RERE: variants seen among roughly 807,000 people sequenced by gnomAD.
RERE encodes arginine-glutamic acid dipeptide repeats, also known as arginine-glutamic acid dipeptide repeats protein.
A neutral mutation model predicts 146.1 loss-of-function variants in RERE; 40 were observed. The observed-to-expected ratio is 0.27, with a 90% confidence interval of 0.21 to 0.36. The LOEUF (loss-of-function observed/expected upper bound fraction) is 0.36. Ranked by LOEUF, RERE falls within the 10% of genes least tolerant of loss-of-function variation. RERE has a pLI of 1.00. For missense variants in RERE, 1,933 were observed against 2,138.7 expected, an observed-to-expected ratio of 0.90 and a Z score of 1.90; for synonymous variants, 1,003 against 866.0, an observed-to-expected ratio of 1.16 and a Z score of -2.78.
intron 10 of RERE, among the ~76,000 whole-genome samples, chr1:8,489,629 C>T (rs1644949454): frequency 6.6e-6 from 1 of 151,876 alleles, no homozygotes; most frequent in Non-Finnish European, 1.5e-5. Context: ...AATGAGATAC[C>T]AGACTACACA....
chr1:8,502,956 G>T (rs956557846), intron 8 of RERE, among the ~76,000 whole-genome samples: 2 of 150,846 alleles, frequency 1.3e-5, no homozygotes, highest in African/African-American at 4.9e-5. Flanking sequence ...ACTTCGGAAG[G>T]CCGCAGGGTC....
chr1:8,616,145 A>C (rs917631168), intron 3 of RERE, among the ~76,000 whole-genome samples: 1 of 152,258 alleles, frequency 6.6e-6, no homozygotes, highest in Non-Finnish European at 1.5e-5. Context: ...TCCACTAGGA[A>C]TATGACTGCC....
At chr1:8,528,204 C>A (rs570943378) in intron 7 of RERE, among the ~76,000 whole-genome samples, 1 of 152,208 alleles carries the variant, frequency 6.6e-6, no homozygotes, top group Non-Finnish European at 1.5e-5. Flanking sequence ...CTTGACAAAA[C>A]TGGCTTCTAA....
intron 21 of RERE, 21 bp from the exon 22 acceptor site, chr1:8,355,620 T>G (rs1478501458): frequency 9.0e-6 from 14 of 1,552,058 alleles, no homozygotes; most frequent in Non-Finnish European, 1.2e-5. Context: ...CAAAACAACC[T>G]GCGCTACAGA....
intron 11 of RERE, among the ~76,000 whole-genome samples, chr1:8,451,814 G>A (rs990713704): frequency 1.3e-5 from 2 of 152,182 alleles, no homozygotes; most frequent in African/African-American, 4.8e-5. Flanking sequence ...TGACTCTAAC[G>A]CACAGCCAAG....
intron 1 of RERE, among the ~76,000 whole-genome samples, chr1:8,723,175 G>A (rs894224466): frequency 1.3e-5 from 2 of 152,106 alleles, no homozygotes; most frequent in African/African-American, 4.8e-5. Context: ...GGGGGAGGTA[G>A]GAATCGAAAC....
At chr1:8,524,299 T>C (rs923639280) in intron 7 of RERE, among the ~76,000 whole-genome samples, 2 of 152,172 alleles carry the variant, frequency 1.3e-5, no homozygotes, top group African/African-American at 4.8e-5. Context: ...ACAATTCATC[T>C]CCTTAGTTGC....
At chr1:8,609,197 A>G (rs1284412062) in intron 4 of RERE, among the ~76,000 whole-genome samples, 1 of 152,036 alleles carries the variant, frequency 6.6e-6, no homozygotes, top group Non-Finnish European at 1.5e-5. Context: ...CAGCCTGGGC[A>G]AAAGAGCAAG....
chr1:8,548,478 C>CCCAG (rs1315084886), intron 6 of RERE, among the ~76,000 whole-genome samples: 1 of 151,954 alleles, frequency 6.6e-6, no homozygotes, highest in African/African-American at 2.4e-5. Context: ...ACAGAACTGA[C>CCCAG]CTAAGTAAGA....
chr1:8,426,201 T>A (rs1255830958), intron 11 of RERE, among the ~76,000 whole-genome samples: 1 of 152,142 alleles, frequency 6.6e-6, no homozygotes, highest in Non-Finnish European at 1.5e-5. Context: ...ATGCCTGTAA[T>A]CCTAGCACTT....
In RERE at chr1:8,422,764, A is replaced by C; in HGVS notation, c.1247T>G (p.Phe416Cys). 6.2e-7 allele frequency: 1 copy of C among 1,614,036 alleles called. No homozygotes were observed. The change falls in exon 12 of 23, where the codon TTC (phenylalanine) becomes TGC (cysteine). Residue 416 changes from phenylalanine (F) to cysteine (C), a missense_variant. Physicochemically the swap from Phe to Cys is radical, Grantham distance 205 (BLOSUM62 -2). This residue lies in a region of RERE where 260 missense variants were observed against 378.4 expected (regional missense o/e 0.69). Transcript: ENST00000400908. ...GGGAAGCAGCTCCTTTCTAATTCTG[A>C]AGAAGTTCTTCCCGTACTGCCTGAG... ...KGLRQYGKNF[F>C]RIRKELLPNK...
intron 2 of RERE, among the ~76,000 whole-genome samples, chr1:8,627,887 G>A (rs1012795443): frequency 1.2e-4 from 18 of 152,172 alleles, no homozygotes; most frequent in Admixed American, 3.3e-4. Flanking sequence ...GGAAGGAAAG[G>A]AACATGCCGG....
chr1:8,741,528 GGTCA>G (rs1181953139), intron 1 of RERE, among the ~76,000 whole-genome samples: 2 of 152,130 alleles, frequency 1.3e-5, no homozygotes, highest in African/African-American at 2.4e-5. Context: ...TTCTCGTGAT[GGTCA>G]GTGAGTTCTC....
chr1:8,547,078 CT>C (rs35269094), intron 6 of RERE, among the ~76,000 whole-genome samples: 103,880 of 142,866 alleles, frequency 0.73, 37,656 homozygotes, highest in East Asian at 0.85. Flanking sequence ...TACCAACAAG[CT>C]TTTTTTTTAA....
intron 6 of RERE, among the ~76,000 whole-genome samples, chr1:8,555,158 G>A (rs1474758699): frequency 6.6e-6 from 1 of 152,210 alleles, no homozygotes; most frequent in African/African-American, 2.4e-5. Flanking sequence ...GCCATATCTG[G>A]CACACCGCCT....
chr1:8,773,364 T>A (rs1292551820), intron 1 of RERE, among the ~76,000 whole-genome samples: 1 of 152,170 alleles, frequency 6.6e-6, no homozygotes, highest in African/African-American at 2.4e-5. Flanking sequence ...TGATATGTCT[T>A]CATAACAACT....
At chr1:8,417,312 T>C (rs1643804048) in intron 12 of RERE, among the ~76,000 whole-genome samples, 1 of 152,208 alleles carries the variant, frequency 6.6e-6, no homozygotes, top group Non-Finnish European at 1.5e-5. Flanking sequence ...AAATGACATT[T>C]TGCCTGAAGA....
At chr1:8,653,555 C>T (rs920545043) in intron 2 of RERE, among the ~76,000 whole-genome samples, 3 of 152,058 alleles carry the variant, frequency 2.0e-5, no homozygotes, top group East Asian at 1.9e-4. Flanking sequence ...ATTAGCTGGG[C>T]GCAGTGGTGG....
intron 12 of RERE, among the ~76,000 whole-genome samples, chr1:8,403,192 C>G (rs552206955): frequency 2.0e-5 from 3 of 152,038 alleles, no homozygotes; most frequent in African/African-American, 7.2e-5. Flanking sequence ...CCACCGCGCC[C>G]GGCCAATGAT....
Sources: allele counts gnomAD v4.1 joint callset (sites outside exome capture counted in the v4.1 genomes callset), GRCh38; gene constraint gnomAD v4.1.1; regional missense constraint gnomAD v4.1.1; transcripts MANE v1.5; gene names NCBI Gene and HGNC (gene_info 2026-07-23, HGNC 2026-07-21).